Variants in DHRSX observed in about 807,000 individuals in gnomAD.
The protein encoded by DHRSX is dehydrogenase/reductase X-linked.
Under a neutral mutation model 34.0 loss-of-function variants are expected in DHRSX, and 31 were observed. That is an observed-to-expected ratio of 0.91 (90% CI 0.69 to 1.23). The LOEUF is 1.23. DHRSX is among the 50% of genes most tolerant of loss of function. The pLI, the probability that DHRSX is intolerant of heterozygous loss-of-function variation, is 0.00. For synonymous variants in DHRSX, 201 were observed against 183.8 expected (o/e 1.09, Z -0.76); for missense variants, 414 against 428.1 (o/e 0.97, Z 0.29).
chrX:2,489,901 C>T (rs1242721063), intron 1 of DHRSX: 3 of 1,613,888 alleles, frequency 1.9e-6, no homozygotes, highest in African/African-American at 1.3e-5. Flanking sequence ...TCACGATGTC[C>T]TTGCCATAGT....
Position 2,451,233 on chromosome X carries a change from TAAA to T in DHRSX, c.110-25932_110-25930del, listed in dbSNP as rs34552645. On this transcript the variant is annotated intron_variant, in intron 1 of 6. Coordinates refer to ENST00000334651, the MANE Select transcript of DHRSX (RefSeq NM_145177.3). ...GGGCAATACAGCAAGACTCCATCTT[TAAA>T]AAAAAAAAAAAAAAAGTTGCATCAA... Among the ~76,000 whole-genome samples, 1,262 of 135,642 alleles carry T rather than the reference TAAA, an allele frequency of 9.3e-3. 14 individuals carry two copies. Among genetic ancestry groups the T allele is most frequent in the African/African-American group, 0.032 (1,177 of 36,920 alleles). 89.0% of individuals were successfully genotyped at this position (135,642 alleles called of 152,430 possible).
At chrX:2,293,587 C>G (rs2041892941) in intron 3 of DHRSX, among the ~76,000 whole-genome samples, 1 of 152,036 alleles carries the variant, frequency 6.6e-6, no homozygotes, top group Non-Finnish European at 1.5e-5. Context: ...GAGCAAATCA[C>G]AGCATGTGTG....
chrX:2,285,905 G>A (rs974535522), intron 4 of DHRSX, among the ~76,000 whole-genome samples: 32 of 152,252 alleles, frequency 2.1e-4, no homozygotes, highest in African/African-American at 7.2e-4. Flanking sequence ...AGCTGGTGAT[G>A]AACCCATTCT....
In DHRSX at chrX:2,469,595, C is replaced by A. The variant is rs1476803894; in HGVS notation, c.109+31222G>T. ...GTATGCACTGAAGACGTTCCCTAAG[C>A]ATGTGGCCAAGGGACTGCACTGATG... On this transcript the variant is annotated intron_variant, in intron 1 of 6. Coordinates refer to ENST00000334651, the MANE Select transcript of DHRSX (RefSeq NM_145177.3). 3.3e-5 allele frequency among the ~76,000 whole-genome samples: 5 copies of A among 150,134 alleles called. No homozygotes were observed. In the East Asian group the frequency reaches 9.9e-4, roughly 30 times the overall value.
chrX:2,323,327 CG>C (rs2042336123), intron 3 of DHRSX, among the ~76,000 whole-genome samples: 1 of 152,106 alleles, frequency 6.6e-6, no homozygotes, highest in South Asian at 2.1e-4. Flanking sequence ...AAAACTCCTA[CG>C]GGATGCTACA....
Position 2,307,035 on chromosome X carries a change from G to A in DHRSX, c.287-15432C>T, listed in dbSNP as rs1340130952. ...TCTGATTTCTTCCTGATTCAATCTT[G>A]GGAGGCATGAGGGAATCAGCCCAGG... On this transcript the variant is annotated intron_variant, in intron 3 of 6. Coordinates refer to ENST00000334651, the MANE Select transcript of DHRSX (RefSeq NM_145177.3). 8.0e-5 allele frequency among the ~76,000 whole-genome samples: 12 copies of A among 150,810 alleles called. No individual in the cohort carries two copies. The East Asian group carries it at 1.8e-3, about 22-fold the overall frequency.
intron 2 of DHRSX, among the ~76,000 whole-genome samples, chrX:2,423,370 G>A (rs1162970394): frequency 6.6e-6 from 1 of 151,706 alleles, no homozygotes; most frequent in Non-Finnish European, 1.5e-5. Flanking sequence ...CCGAGGTCGT[G>A]TCACTGCATT....
At chrX:2,437,461 A>G (rs939326078) in intron 1 of DHRSX, among the ~76,000 whole-genome samples, 29 of 152,022 alleles carry the variant, frequency 1.9e-4, no homozygotes, top group Admixed American at 3.3e-4. Flanking sequence ...AAAATTATCC[A>G]GGTGTGATGG....
chrX:2,446,138 G>T (rs1005298913), intron 1 of DHRSX, among the ~76,000 whole-genome samples: 2 of 148,670 alleles, frequency 1.3e-5, no homozygotes, highest in African/African-American at 4.9e-5. Context: ...AGAAGTGTGC[G>T]GCCAAGGGAC....
At chrX:2,419,967 A>G (rs2043753835) in intron 2 of DHRSX, among the ~76,000 whole-genome samples, 1 of 152,186 alleles carries the variant, frequency 6.6e-6, no homozygotes, top group African/African-American at 2.4e-5. Flanking sequence ...TTAAAGTATA[A>G]TAATAAAATT....
chrX:2,310,812 A>G (rs937329562), intron 3 of DHRSX, among the ~76,000 whole-genome samples: 7 of 151,836 alleles, frequency 4.6e-5, no homozygotes, highest in African/African-American at 1.5e-4. Context: ...TGTAATCCCA[A>G]TAGTTTGGGA....
chrX:2,381,989 G>C (rs1043907994), intron 3 of DHRSX, among the ~76,000 whole-genome samples: 3 of 152,102 alleles, frequency 2.0e-5, no homozygotes, highest in African/African-American at 7.2e-5. Flanking sequence ...AGAGTCTGCT[G>C]TATGGGGGGC....
chrX:2,325,901 T>C (rs1208833710), intron 3 of DHRSX, among the ~76,000 whole-genome samples: 1 of 152,200 alleles, frequency 6.6e-6, no homozygotes, highest in African/African-American at 2.4e-5. Flanking sequence ...GTGTGTGTCT[T>C]TGTCCTAAAT....
intron 5 of DHRSX, among the ~76,000 whole-genome samples, chrX:2,264,295 T>C (rs1290552991): frequency 2.0e-5 from 3 of 151,296 alleles, no homozygotes; most frequent in African/African-American, 7.3e-5. Context: ...AGAGCACCTC[T>C]ACCCAGCAGA....
Position 2,357,656 on chromosome X carries a change from T to C in DHRSX, c.286+51089A>G, listed in dbSNP as rs929141550. Among the ~76,000 whole-genome samples, 7 of 143,952 alleles carry C rather than the reference T, an allele frequency of 4.9e-5. No homozygotes were observed. In the Admixed American group the frequency reaches 5.0e-4, roughly 10 times the overall value. The allele number at this position is 143,952 out of a possible 152,430, so 94.4% of individuals were successfully genotyped here. A position where few individuals can be genotyped will look rare whatever the true frequency, so the allele number is the denominator to read the frequency against. The stretch of plus-strand genomic sequence containing the variant: ...TGAACAAATAACCCTAGACCCGATA[T>C]GGGAAAACGAGATTTGTCTCAAACA... On this transcript the variant is annotated intron_variant, in intron 3 of 6. Coordinates refer to ENST00000334651, the MANE Select transcript of DHRSX (RefSeq NM_145177.3).
chrX:2,428,938 C>A (rs2124654339), intron 1 of DHRSX, among the ~76,000 whole-genome samples: 1 of 152,204 alleles, frequency 6.6e-6, no homozygotes, highest in East Asian at 1.9e-4. Context: ...AACATATAAT[C>A]TGTTATTTGT....
Position 2,291,549 on chromosome X carries a change from T to C in DHRSX, c.341A>G (p.Gln114Arg), listed in dbSNP as rs147077159. The change falls in exon 4 of 7, where the codon CAG (glutamine) becomes CGG (arginine). Residue 114 changes from glutamine to arginine, a missense_variant. By Grantham distance (43) the Gln-to-Arg change is conservative. Coordinates refer to ENST00000334651, the MANE Select transcript of DHRSX (RefSeq NM_145177.3). The part of the protein sequence containing the change: ...ASMTSIRQFV[Q>R]KFKMKKIPLH... The stretch of plus-strand genomic sequence containing the variant: ...AGGAATCTTCTTCATCTTGAACTTC[T>C]GCACAAACTGCCGGATGGAAGTCAT... 7.4e-6 allele frequency: 12 copies of C among 1,613,970 alleles called. No individual in the cohort carries two copies. The East Asian group carries it at 2.2e-4, about 30-fold the overall frequency.
chrX:2,450,453 ACT>A (rs980742066), intron 1 of DHRSX, among the ~76,000 whole-genome samples: 3 of 151,824 alleles, frequency 2.0e-5, no homozygotes, highest in African/African-American at 7.3e-5. Flanking sequence ...CAAGAGCAAA[ACT>A]CTGTCTCAAA....
At chrX:2,466,015 T>G (rs1173234369) in intron 1 of DHRSX, among the ~76,000 whole-genome samples, 1 of 152,140 alleles carries the variant, frequency 6.6e-6, no homozygotes, top group Non-Finnish European at 1.5e-5. Flanking sequence ...CATTCACTGC[T>G]TTTATGCACA....
Sources: allele counts gnomAD v4.1 joint callset (sites outside exome capture counted in the v4.1 genomes callset), GRCh38; gene constraint gnomAD v4.1.1; transcripts MANE v1.5; gene names NCBI Gene and HGNC (gene_info 2026-07-23, HGNC 2026-07-21).